The following ENTHD1 variants were observed in gnomAD, a reference collection of about 807,000 sequenced individuals.
ENTHD1 encodes ENTH domain containing 1, also known as ENTH domain-containing protein 1.
In ENTHD1, 23 loss-of-function variants were observed where a neutral mutation model predicts 39.1. The ratio of observed to expected loss-of-function variants is 0.59; its 90% CI spans 0.42 to 0.83. The LOEUF (loss-of-function observed/expected upper bound fraction) is 0.83. Ranked by LOEUF, ENTHD1 falls within the 40% of genes least tolerant of loss-of-function variation. The pLI, the probability that ENTHD1 is intolerant of heterozygous loss-of-function variation, is 0.00. For missense variants in ENTHD1, 624 were observed against 705.4 expected (o/e 0.88, Z 1.31); for synonymous variants, 230 against 258.2 (o/e 0.89, Z 1.05).
chr22:39,807,448 C>T (rs1297381187), intron 5 of ENTHD1, among the ~76,000 whole-genome samples: 3 of 152,164 alleles, frequency 2.0e-5, no homozygotes, highest in Non-Finnish European at 4.4e-5. Context: ...CTGATCTTAG[C>T]CCAAAGGCCG....
intron 3 of ENTHD1, among the ~76,000 whole-genome samples, chr22:39,851,232 T>C (rs540093934): frequency 6.6e-6 from 1 of 152,340 alleles, no homozygotes; most frequent in South Asian, 2.1e-4. Flanking sequence ...AGCAGTATCC[T>C]CCATATGGCT....
intron 2 of ENTHD1, chr22:39,875,385 C>T (rs2066279886): frequency 3.5e-6 from 5 of 1,436,910 alleles, no homozygotes; most frequent in Non-Finnish European, 4.5e-6. Context: ...TTGGTGCAGG[C>T]CACGGTGCCC....
chr22:39,820,102 C>T (rs1289007494), intron 5 of ENTHD1, among the ~76,000 whole-genome samples: 1 of 152,180 alleles, frequency 6.6e-6, no homozygotes, highest in African/African-American at 2.4e-5. Context: ...AAAATATCCT[C>T]ATCATTCTCA....
intron 3 of ENTHD1, among the ~76,000 whole-genome samples, chr22:39,842,585 C>T (rs571095929): frequency 2.6e-5 from 4 of 152,084 alleles, no homozygotes; most frequent in African/African-American, 9.6e-5. Context: ...AAAGCAATGG[C>T]AACAAAAGAC....
chr22:39,804,525 G>T (rs181931932), intron 5 of ENTHD1, among the ~76,000 whole-genome samples: 2 of 151,442 alleles, frequency 1.3e-5, no homozygotes, highest in Non-Finnish European at 2.9e-5. Context: ...TTAACCTCAG[G>T]ACATCCCCAA....
At chr22:39,827,149 G>A (rs1367525237) in intron 4 of ENTHD1, among the ~76,000 whole-genome samples, 1 of 151,738 alleles carries the variant, frequency 6.6e-6, no homozygotes, top group Admixed American at 6.6e-5. Context: ...CCAAGTAGCT[G>A]GGACTACAGG....
At chr22:39,838,306 G>T (rs894045215) in intron 3 of ENTHD1, among the ~76,000 whole-genome samples, 3 of 152,044 alleles carry the variant, frequency 2.0e-5, no homozygotes, top group Non-Finnish European at 4.4e-5. Flanking sequence ...TAAGTAGGGT[G>T]TTTCTAATTC....
At chr22:39,790,670 G>A (rs2065496446) in intron 5 of ENTHD1, among the ~76,000 whole-genome samples, 1 of 152,106 alleles carries the variant, frequency 6.6e-6, no homozygotes, top group Admixed American at 6.5e-5. Flanking sequence ...AAGAGCTACT[G>A]GTCAGATCGT....
At chr22:39,762,657 G>C (rs2065244907) in intron 6 of ENTHD1, among the ~76,000 whole-genome samples, 2 of 152,006 alleles carry the variant, frequency 1.3e-5, no homozygotes, top group African/African-American at 4.8e-5. Flanking sequence ...TCCCTATGTT[G>C]CCCAGGCTTA....
At position 39,743,952 on chromosome 22, in the gene ENTHD1, G is replaced by T; in HGVS notation, c.1551C>A (p.Ser517=). 6.2e-7 allele frequency: 1 copy of T among 1,614,094 alleles called. No homozygotes were observed. The highest frequency in any genetic ancestry group is 1.1e-5 in the South Asian group (1 of 91,074). Residue 517 remains serine, a synonymous_variant, in exon 7 of 7, where the codon TCC becomes TCA. Transcript: ENST00000325157. The stretch of plus-strand genomic sequence containing the variant: ...GGATGAACTGGTCTACATTTTGGGT[G>T]GAAAACTCCCCCCAGTGACTACTAG... The part of the protein sequence containing the change: ...HISSSHWGEF[S]TQNVDQFIPL...
intron 6 of ENTHD1, among the ~76,000 whole-genome samples, chr22:39,748,846 C>T (rs992617023): frequency 7.9e-5 from 12 of 152,106 alleles, no homozygotes; most frequent in African/African-American, 2.7e-4. Flanking sequence ...AGTAGCATCA[C>T]CTGGGAATTT....
intron 5 of ENTHD1, among the ~76,000 whole-genome samples, chr22:39,803,464 T>A (rs1250524630): frequency 6.6e-6 from 1 of 152,094 alleles, no homozygotes; most frequent in South Asian, 2.1e-4. Flanking sequence ...CTATAATTGT[T>A]TTGTTTATTA....
intron 3 of ENTHD1, among the ~76,000 whole-genome samples, chr22:39,852,092 G>A (rs374235093): frequency 6.6e-6 from 1 of 152,024 alleles, no homozygotes; most frequent in Non-Finnish European, 1.5e-5. Flanking sequence ...TAGCACTGTG[G>A]GAGGCTGAGG....
intron 1 of ENTHD1, among the ~76,000 whole-genome samples, chr22:39,892,453 T>TA (rs1371355653): frequency 6.6e-6 from 1 of 152,244 alleles, no homozygotes; most frequent in Non-Finnish European, 1.5e-5. Flanking sequence ...TATTACATGA[T>TA]ACCCACAGTA....
chr22:39,891,407 C>T (rs1486326363), intron 1 of ENTHD1, among the ~76,000 whole-genome samples: 1 of 151,842 alleles, frequency 6.6e-6, no homozygotes, highest in East Asian at 1.9e-4. Flanking sequence ...GTGCAAATAA[C>T]ACAATGATTG....
intron 5 of ENTHD1, among the ~76,000 whole-genome samples, chr22:39,779,556 GAA>G (rs770578811): frequency 9.7e-5 from 13 of 133,624 alleles, no homozygotes; most frequent in African/African-American, 5.5e-5. Flanking sequence ...TAACATGAAA[GAA>G]AAAAAAAAAA....
chr22:39,812,825 C>T (rs918020753), intron 5 of ENTHD1, among the ~76,000 whole-genome samples: 4 of 152,174 alleles, frequency 2.6e-5, no homozygotes, highest in Admixed American at 1.3e-4. Context: ...CTCTGTCGCC[C>T]AGGCTGCAGT....
chr22:39,766,046 A>G (rs1009347361), intron 5 of ENTHD1, among the ~76,000 whole-genome samples: 9 of 148,624 alleles, frequency 6.1e-5, no homozygotes, highest in African/African-American at 7.5e-5. Flanking sequence ...AAAAAAAAAA[A>G]AAAGAAAGAA....
intron 5 of ENTHD1, among the ~76,000 whole-genome samples, chr22:39,779,092 G>T (rs1291549850): frequency 1.3e-5 from 2 of 152,232 alleles, no homozygotes; most frequent in African/African-American, 2.4e-5. Flanking sequence ...GCTGAGGCAG[G>T]TGGATCATGA....
Sources: gnomAD v4.1 joint callset for allele counts (sites outside exome capture counted in the v4.1 genomes callset) on GRCh38, gnomAD v4.1.1 for gene constraint, MANE v1.5 for transcripts, NCBI Gene and HGNC (gene_info 2026-07-23, HGNC 2026-07-21) for gene names.